Variants in MYH6 observed in about 807,000 individuals in gnomAD.
The protein encoded by MYH6 is myosin-6.
MYH6 carries 126 observed loss-of-function variants against 223.2 expected under a neutral mutation model. The observed-to-expected ratio is 0.56, with a 90% confidence interval of 0.49 to 0.65. The LOEUF (loss-of-function observed/expected upper bound fraction) is 0.65, where lower values mean the gene tolerates loss of function less well. Among genes scored for constraint, MYH6 ranks in the 30% least tolerant of loss-of-function variants. MYH6 has a pLI of 0.00. For synonymous variants in MYH6, 978 were observed against 1,010.2 expected, an observed-to-expected ratio of 0.97 and a Z score of 0.61; for missense variants, 2,040 against 2,536.4, an observed-to-expected ratio of 0.80 and a Z score of 4.20.
chr14:23,400,108 G>T, intron 14 of MYH6, 148 bp downstream of exon 14: 1 of 1,217,094 alleles, frequency 8.2e-7, no homozygotes, highest in Non-Finnish European at 1.2e-6. Context: ...TCCTGTTCAT[G>T]CCCATGACTT....
rs756915746 is a variant in MYH6 at position 23,389,654 on chromosome 14, T to C, written c.3798A>G (p.Glu1266=). 5.6e-5 allele frequency: 90 copies of C among 1,614,068 alleles called. 1 individual carries two copies. In the Admixed American group the frequency reaches 1.2e-3, roughly 22 times the overall value. Residue 1266 remains glutamate (E), a synonymous_variant, in exon 27 of 39, where the codon GAA becomes GAG. Coordinates refer to ENST00000405093, the MANE Select transcript of MYH6 (RefSeq NM_002471.4). ...AATCATTGAGGGAGCGTTGGGCCTC[T>C]TCTAGCTTCACGCGGTACTCATTGG... ...DQANEYRVKL[E]EAQRSLNDFT...
rs1891435591 is a variant in MYH6, at chr14:23,397,532, G to A, written c.1962+11C>T. Reference sequence around the variant, plus strand: ...CCACCAGGTGTCCTGGCACCCCTGGGCCCTTCTTACCCGGTGGAGAGCCGA... The same window carrying A: ...CCACCAGGTGTCCTGGCACCCCTGGACCCTTCTTACCCGGTGGAGAGCCGA... On this transcript the variant is annotated intron_variant, in intron 16 of 38. Coordinates refer to ENST00000405093, the MANE Select transcript of MYH6 (RefSeq NM_002471.4). 1.2e-6 allele frequency: 2 copies of A among 1,613,986 alleles called. No individual in the cohort carries two copies. The highest frequency in any genetic ancestry group is 1.3e-5 in the African/African-American group (1 of 75,054).
Position 23,404,338 on chromosome 14 carries a change from G to A in MYH6, c.693C>T (p.Phe231=), listed in dbSNP as rs772154148. 20 of 1,614,102 alleles carry A rather than the reference G, an allele frequency of 1.2e-5. No homozygotes were observed. Among genetic ancestry groups the A allele is most frequent in the African/African-American group, 5.3e-5 (4 of 74,942 alleles). The change falls in exon 8 of 39, where the codon TTC becomes TTT. Residue 231 remains phenylalanine (F), a synonymous_variant. Transcript: ENST00000405093. The stretch of plus-strand genomic sequence containing the variant: ...CGTTCCGGACAGTCTTGGCATTGCC[G>A]AAGGCCTCCAGAGCGGGGTTGGCCT... ...IIQANPALEA[F]GNAKTVRNDN...
At chr14:23,403,210 C>T (rs111934809) in intron 10 of MYH6, 138 bp downstream of exon 10, 20 of 792,106 alleles carry the variant, frequency 2.5e-5, no homozygotes, top group Admixed American at 3.5e-5. Context: ...AGGGAGCTGG[C>T]GGAGTGAGTG....
intron 26 of MYH6, 101 bp from the exon 27 acceptor site, chr14:23,389,820 G>A: frequency 6.3e-7 from 1 of 1,590,302 alleles, no homozygotes; most frequent in Non-Finnish European, 8.6e-7. Context: ...GGCAGGAGGG[G>A]GACACAGAAG....
rs28730774 is a variant in MYH6, at chr14:23,397,231, G to A, written c.1989C>T (p.Asn663=). ...HRENLNKLMT[N]LRTTHPHFVR... ...CAAAGTGAGGATGGGTGGTCCTCAG[G>A]TTGGTCATTAGCTTGTTGAGATTTT... Residue 663 remains asparagine, a synonymous_variant, in exon 17 of 39, where the codon AAC becomes AAT. Transcript: ENST00000405093. 6.4e-3 allele frequency: 10,366 copies of A among 1,614,172 alleles called. 55 individuals carry two copies. Among genetic ancestry groups the A allele is most frequent in the Non-Finnish European group, 8.0e-3 (9,420 of 1,180,004 alleles).
At position 23,384,610 on chromosome 14, in the gene MYH6, C is replaced by T. The variant is rs375555473; in HGVS notation, c.5397G>A (p.Leu1799=). The change falls in exon 36 of 39, where the codon CTG becomes CTA. Residue 1799 remains leucine, a synonymous_variant. Coordinates refer to ENST00000405093, the MANE Select transcript of MYH6 (RefSeq NM_002471.4). ...TGAGGGCGATCTGCTCGGCCTCGTC[C>T]AGCCGGTGCTGCAGGTCCTTAATGG... The part of the protein sequence containing the change: ...EQTIKDLQHR[L]DEAEQIALKG... 1.2e-6 allele frequency: 2 copies of T among 1,613,938 alleles called. No homozygotes were observed. Among genetic ancestry groups the T allele is most frequent in the Non-Finnish European group, 1.7e-6 (2 of 1,180,056 alleles).
chr14:23,396,926 C>T lies in MYH6; in HGVS notation c.2168+37G>A, dbSNP rs541295541. 1.9e-6 allele frequency: 3 copies of T among 1,612,472 alleles called. No individual in the cohort carries two copies. The African/African-American group carries it at 4.0e-5, about 22-fold the overall frequency. ...ATTCCCATCAGGGCAGCCTGGCTCCCCCTGTTCTATGAGCTCTGGGGCACC... is the reference window on the plus strand; with the variant it reads ...ATTCCCATCAGGGCAGCCTGGCTCCTCCTGTTCTATGAGCTCTGGGGCACC... On this transcript the variant is annotated intron_variant, in intron 18 of 38. Coordinates refer to ENST00000405093, the MANE Select transcript of MYH6 (RefSeq NM_002471.4).
rs2138592845 is a variant in MYH6 at position 23,390,219 on chromosome 14, A to G, written c.3570T>C (p.Thr1190=). 1 of 1,595,306 alleles carries G rather than the reference A, an allele frequency of 6.3e-7. No homozygotes were observed. Among genetic ancestry groups the G allele is most frequent in the Non-Finnish European group, 8.6e-7 (1 of 1,168,592 alleles). The change falls in exon 26 of 39, where the codon ACT becomes ACC. Residue 1190 remains threonine (T), a synonymous_variant. Transcript: ENST00000405093. The part of the protein sequence containing the change: ...LEEATLQHEA[T]AAALRKKHAD... The stretch of plus-strand genomic sequence containing the variant: ...CGTGCTTCTTGCGCAGGGCCGCGGC[A>G]GTGGCCTCGTGCTGCAGCGTGGCCT...
intron 10 of MYH6, 108 bp from the exon 11 acceptor site, chr14:23,402,908 G>A: frequency 1.3e-6 from 1 of 786,504 alleles, no homozygotes; most frequent in Non-Finnish European, 2.2e-6. Context: ...TAAGGGACGG[G>A]GTGAATGGAG....
chr14:23,397,123 G>A (rs1293916641), intron 17 of MYH6, 43 bp from the exon 18 acceptor site: 2 of 1,614,254 alleles, frequency 1.2e-6, no homozygotes, highest in Non-Finnish European at 1.7e-6. Flanking sequence ...TTAGGGTAAA[G>A]TGGATGCCAG....
chr14:23,396,220 T>C (rs1030195864), intron 20 of MYH6, 64 bp downstream of exon 20: 28 of 1,608,476 alleles, frequency 1.7e-5, no homozygotes, highest in Admixed American at 1.7e-4. Context: ...TGACCCACAC[T>C]AGTTGACATT....
Position 23,407,158 on chromosome 14 carries a change from C to T in MYH6, c.66G>A (p.Glu22=). 1.2e-6 allele frequency: 2 copies of T among 1,614,272 alleles called. No homozygotes were observed. Among genetic ancestry groups the T allele is most frequent in the Non-Finnish European group, 1.7e-6 (2 of 1,180,048 alleles). Residue 22 remains glutamate, a synonymous_variant, in exon 3 of 39, where the codon GAG becomes GAA. Transcript: ENST00000405093. The surrounding 1 kb of genome is among the most constrained non-coding windows in gnomAD (Gnocchi z 5.6). ...AGGGCCGGGTCTGGGCCTCTAGACG[C>T]TCCTTCTCTGACTTGCGGAGGTACT... is the stretch of plus-strand genomic sequence containing the variant. ...AAQYLRKSEK[E]RLEAQTRPFD...
At position 23,402,450 on chromosome 14, in the gene MYH6, C is replaced by A. The variant is rs1214503674; in HGVS notation, c.1141+14G>T. 1.2e-6 allele frequency: 2 copies of A among 1,612,292 alleles called. No individual in the cohort carries two copies. The highest frequency in any genetic ancestry group is 1.7e-6 in the Non-Finnish European group (2 of 1,179,958). On this transcript the variant is annotated intron_variant, in intron 12 of 38. Transcript: ENST00000405093. ...CCTCAGGCCTTCCCAGGGCTGCCTG[C>A]CTGCCCCTCCCACCTTCGGTGCCGT...
chr14:23,398,199 GT>G (rs1360690190), intron 15 of MYH6, among the ~76,000 whole-genome samples: 2 of 151,918 alleles, frequency 1.3e-5, no homozygotes, highest in East Asian at 3.9e-4. Context: ...TGTATTTTTA[GT>G]AGAGACGGGG....
At chr14:23,387,393 T>G in intron 32 of MYH6, 136 bp downstream of exon 32, 1 of 1,392,842 alleles carries the variant, frequency 7.2e-7, no homozygotes, top group Non-Finnish European at 1.0e-6. Flanking sequence ...GGGTAGTGAA[T>G]AGTGGGTAGA....
intron 12 of MYH6, among the ~76,000 whole-genome samples, chr14:23,401,391 T>C (rs1244638106): frequency 1.3e-5 from 2 of 152,190 alleles, no homozygotes; most frequent in African/African-American, 4.8e-5. Context: ...TTCTTTTCCT[T>C]AAAGAGGAAG....
rs1566512315 is a variant in MYH6, at chr14:23,397,937, CTTCT to C, written c.1892-328_1892-325del. Among the ~76,000 whole-genome samples, 372 of 60,088 alleles carry C rather than the reference CTTCT, an allele frequency of 6.2e-3. 9 individuals carry two copies. Among genetic ancestry groups the C allele is most frequent in the African/African-American group, 0.014 (213 of 15,340 alleles). 39.4% of individuals were successfully genotyped at this position (60,088 alleles called of 152,430 possible). ...TCCTCCTCCTCCTCCTCCTCCTCTT[CTTCT>C]TCTTCTTCTTCTTCTTCTTCTTCTT... On this transcript the variant is annotated intron_variant, in intron 15 of 38. Transcript: ENST00000405093.
At chr14:23,385,792 C>T (rs1891000264) in intron 34 of MYH6, 136 bp downstream of exon 34, 4 of 1,248,918 alleles carry the variant, frequency 3.2e-6, no homozygotes, top group Non-Finnish European at 2.3e-6. Context: ...GCAGCCACCA[C>T]AGATGAGAGT....
Sources: gnomAD v4.1 joint callset for allele counts (sites outside exome capture counted in the v4.1 genomes callset) on GRCh38, gnomAD v4.1.1 for gene constraint, Gnocchi (gnomAD v3.1) non-coding constraint, MANE v1.5 for transcripts, NCBI Gene and HGNC (gene_info 2026-07-23, HGNC 2026-07-21) for gene names.